Variants in COP1 observed in about 807,000 individuals in gnomAD.
COP1 encodes E3 ubiquitin-protein ligase COP1.
A neutral mutation model predicts 101.3 loss-of-function variants in COP1; 24 were observed. That is an observed-to-expected ratio of 0.24 (90% CI 0.17 to 0.33). The LOEUF is 0.33. Among genes scored for constraint, COP1 ranks in the 10% least tolerant of loss-of-function variants. The pLI, the probability that COP1 is intolerant of heterozygous loss-of-function variation, is 1.00. For missense variants in COP1, 663 were observed against 906.2 expected (o/e 0.73, Z 3.45); for synonymous variants, 347 against 341.9 (o/e 1.01, Z -0.17).
chr1:176,131,745 T>C (rs887711120), intron 8 of COP1, among the ~76,000 whole-genome samples: 1 of 151,912 alleles, frequency 6.6e-6, no homozygotes, highest in African/African-American at 2.4e-5. Context: ...GAATGTCTGA[T>C]TTCAAATCGT....
intron 16 of COP1, chr1:175,989,027 C>T (rs188419222): frequency 5.4e-6 from 1 of 184,652 alleles, no homozygotes; most frequent in Admixed American, 5.8e-5. Flanking sequence ...TCTATTGCAT[C>T]AACTATGTTG....
chr1:176,032,789 T>C lies in COP1; in HGVS notation c.1613-5101A>G, dbSNP rs558214730. Among the ~76,000 whole-genome samples the C allele has an allele frequency of 1.7e-4, 26 of 151,870 alleles. No homozygotes were observed. The South Asian group carries it at 5.2e-3, about 30-fold the overall frequency. On this transcript the variant is annotated intron_variant, in intron 14 of 19. Coordinates refer to ENST00000367669, the MANE Select transcript of COP1 (RefSeq NM_022457.7). The stretch of plus-strand genomic sequence containing the variant: ...CACATAAATGAAGCCTGGAACAAGG[T>C]AGGTGAAGGGGAACTACACAAGCAT...
At chr1:176,039,346 T>C (rs1247715715) in intron 14 of COP1, among the ~76,000 whole-genome samples, 2 of 151,972 alleles carry the variant, frequency 1.3e-5, no homozygotes, top group Non-Finnish European at 2.9e-5. Flanking sequence ...TGAATACATA[T>C]ATTAGAAGAT....
At chr1:175,951,033 G>A (rs184273960) in intron 18 of COP1, among the ~76,000 whole-genome samples, 1 of 152,212 alleles carries the variant, frequency 6.6e-6, no homozygotes, top group East Asian at 1.9e-4. Flanking sequence ...ATCACCTGAG[G>A]TCGGGAGTTT....
intron 8 of COP1, among the ~76,000 whole-genome samples, chr1:176,118,994 G>A (rs1197555867): frequency 6.6e-6 from 1 of 152,110 alleles, no homozygotes; most frequent in East Asian, 1.9e-4. Flanking sequence ...CAAAAACCTT[G>A]TTTCTTAACA....
chr1:176,185,111 G>T (rs1200790542), intron 1 of COP1, among the ~76,000 whole-genome samples: 2 of 152,066 alleles, frequency 1.3e-5, no homozygotes, highest in South Asian at 4.2e-4. Flanking sequence ...CTAATTCCTT[G>T]AGTGATAAAT....
intron 15 of COP1, among the ~76,000 whole-genome samples, chr1:175,994,490 C>T (rs1218630115): frequency 6.6e-6 from 1 of 152,144 alleles, no homozygotes; most frequent in African/African-American, 2.4e-5. Flanking sequence ...GTGCTGTATT[C>T]AGGAAACCCG....
At chr1:176,168,003 A>AT (rs1248281980) in intron 3 of COP1, among the ~76,000 whole-genome samples, 1 of 151,772 alleles carries the variant, frequency 6.6e-6, no homozygotes, top group Non-Finnish European at 1.5e-5. Flanking sequence ...AGCATACTGT[A>AT]TTTTTTATTA....
chr1:176,033,357 G>A (rs1668956517), intron 14 of COP1, among the ~76,000 whole-genome samples: 1 of 152,094 alleles, frequency 6.6e-6, no homozygotes, highest in South Asian at 2.1e-4. Flanking sequence ...AACCCGGGTG[G>A]TGGAGGCTGC....
At chr1:176,086,427 C>T (rs1006462241) in intron 9 of COP1, among the ~76,000 whole-genome samples, 4 of 151,878 alleles carry the variant, frequency 2.6e-5, no homozygotes, top group African/African-American at 9.7e-5. Flanking sequence ...AGGGTTTCAC[C>T]GTGTTAGCCA....
At chr1:176,153,050 G>A (rs1692872667) in intron 5 of COP1, among the ~76,000 whole-genome samples, 1 of 152,018 alleles carries the variant, frequency 6.6e-6, no homozygotes, top group Admixed American at 6.6e-5. Flanking sequence ...TGGACACAGA[G>A]GGTTTTAGGA....
intron 13 of COP1, 148 bp from the exon 14 acceptor site, chr1:176,043,415 G>A (rs1670980741): frequency 5.2e-6 from 3 of 573,442 alleles, no homozygotes; most frequent in Non-Finnish European, 9.1e-6. Flanking sequence ...CAAATAAGAT[G>A]TTGATATAAA....
In COP1 at chr1:176,117,437, T is replaced by C. The variant is rs528963596; in HGVS notation, c.969-756A>G. Among the ~76,000 whole-genome samples the C allele has an allele frequency of 3.3e-5, 5 of 152,294 alleles. No individual in the cohort carries two copies. The South Asian group carries it at 1.0e-3, about 32-fold the overall frequency. On this transcript the variant is annotated intron_variant, in intron 8 of 19. Transcript: ENST00000367669. ...AGTGTAGACTATCTTTTACTTCCTC[T>C]ATCTTAGCATTTCTATCTTACCATT...
chr1:176,078,199 CA>C (rs1678423518), intron 11 of COP1, among the ~76,000 whole-genome samples: 1 of 152,050 alleles, frequency 6.6e-6, no homozygotes, highest in Non-Finnish European at 1.5e-5. Context: ...CAGTCCTAAG[CA>C]AAATGAACAT....
In COP1 at chr1:176,123,999, G is replaced by A. The variant is rs888584969; in HGVS notation, c.969-7318C>T. 7.2e-5 allele frequency among the ~76,000 whole-genome samples: 11 copies of A among 152,214 alleles called. No individual in the cohort carries two copies. The South Asian group carries it at 2.3e-3, about 32-fold the overall frequency. ...TTAAAAATCTGCATTTCAAATACGA[G>A]TCTTGGTTGACACTCATGAACACTG... On this transcript the variant is annotated intron_variant, in intron 8 of 19. Transcript: ENST00000367669.
chr1:176,163,018 A>G (rs1362366246), intron 4 of COP1, 30 bp from the exon 5 acceptor site: 3 of 1,590,264 alleles, frequency 1.9e-6, no homozygotes. Context: ...AAACACAACA[A>G]CTTCCTATGA....
intron 9 of COP1, among the ~76,000 whole-genome samples, chr1:176,111,547 C>T (rs1403342860): frequency 6.6e-6 from 1 of 152,194 alleles, no homozygotes; most frequent in Non-Finnish European, 1.5e-5. Context: ...CCTGCCTTGG[C>T]CTCCCAAAGT....
intron 11 of COP1, among the ~76,000 whole-genome samples, chr1:176,062,863 A>C (rs1675130545): frequency 6.6e-6 from 1 of 152,140 alleles, no homozygotes; most frequent in African/African-American, 2.4e-5. Flanking sequence ...GAATCTCAAA[A>C]ACAAGCTGGG....
intron 5 of COP1, among the ~76,000 whole-genome samples, chr1:176,158,630 CTTTTTTTTTTTTTT>C (rs35518162): frequency 1.6e-4 from 13 of 79,314 alleles, no homozygotes; most frequent in African/African-American, 6.6e-4. Flanking sequence ...TTTTAAGGTT[CTTTTTTTTTTTTTT>C]TTTTTTTTTT....
Sources: allele counts gnomAD v4.1 joint callset (sites outside exome capture counted in the v4.1 genomes callset), GRCh38; gene constraint gnomAD v4.1.1; transcripts MANE v1.5; gene names NCBI Gene and HGNC (gene_info 2026-07-23, HGNC 2026-07-21).